Variants in AQR observed in about 807,000 individuals in gnomAD.
AQR encodes RNA helicase aquarius.
AQR carries 61 observed loss-of-function variants against 180.5 expected under a neutral mutation model. The ratio of observed to expected loss-of-function variants is 0.34; its 90% CI spans 0.28 to 0.42. AQR has a LOEUF of 0.42. Ranked by LOEUF, AQR falls within the 10% of genes least tolerant of loss-of-function variation. The pLI is 1.00. For missense variants in AQR, 1,281 were observed against 1,798.3 expected (o/e 0.71, Z 5.20); for synonymous variants, 551 against 588.8 (o/e 0.94, Z 0.93).
At chr15:34,874,578 C>T in intron 29 of AQR, 99 bp downstream of exon 29, 1 of 1,432,138 alleles carries the variant, frequency 7.0e-7, no homozygotes, top group Non-Finnish European at 9.5e-7. Flanking sequence ...CCTGGATAGC[C>T]AAGAATGCTA....
chr15:34,967,976 C>T (rs1343849374), intron 1 of AQR, among the ~76,000 whole-genome samples: 1 of 151,642 alleles, frequency 6.6e-6, no homozygotes, highest in Admixed American at 6.6e-5. Context: ...ACCAAGCCTG[C>T]CTACTTTTGT....
At chr15:34,909,842 C>T (rs567844073) in intron 17 of AQR, among the ~76,000 whole-genome samples, 1 of 152,250 alleles carries the variant, frequency 6.6e-6, no homozygotes, top group South Asian at 2.1e-4. Context: ...AAATTTAAGA[C>T]TTAAAATGCT....
chr15:34,874,874 A>C lies in AQR; in HGVS notation c.3238-10T>G. 6.2e-7 allele frequency: 1 copy of C among 1,610,958 alleles called. No individual in the cohort carries two copies. The highest frequency in any genetic ancestry group is 8.5e-7 in the Non-Finnish European group (1 of 1,178,772). On this transcript the variant is annotated splice_polypyrimidine_tract_variant and intron_variant, in intron 28 of 34. Coordinates refer to ENST00000156471, the MANE Select transcript of AQR (RefSeq NM_014691.3). ...ATCCATCCTGAGGATTCTAGAAATG[A>C]AAAGTAAGGAAATGGCAAAATACTC...
rs572724846 is a variant in AQR at position 34,860,229 on chromosome 15, T to A, written c.4030-74A>T. ...AAGGTAACACTTCAACATAAACCCATTTCTTAATCTTATGAATAAGCACAA... is the reference window on the plus strand; with the variant it reads ...AAGGTAACACTTCAACATAAACCCAATTCTTAATCTTATGAATAAGCACAA... On this transcript the variant is annotated intron_variant, in intron 33 of 34. Coordinates refer to ENST00000156471, the MANE Select transcript of AQR (RefSeq NM_014691.3). 3 of 636,278 alleles carry A rather than the reference T, an allele frequency of 4.7e-6. No homozygotes were observed. The African/African-American group carries it at 5.6e-5, about 12-fold the overall frequency. The allele number at this position is 636,278 out of a possible 1,614,324, so 39.4% of individuals were successfully genotyped here.
chr15:34,966,655 A>T (rs990659949), intron 1 of AQR, among the ~76,000 whole-genome samples: 1 of 152,202 alleles, frequency 6.6e-6, no homozygotes, highest in African/African-American at 2.4e-5. Context: ...GTATTGTACT[A>T]GGCACACACT....
chr15:34,951,469 G>A (rs1222688054), intron 4 of AQR, among the ~76,000 whole-genome samples: 2 of 151,988 alleles, frequency 1.3e-5, no homozygotes, highest in Non-Finnish European at 2.9e-5. Context: ...TCAAGAAATC[G>A]AGACCATCCT....
intron 33 of AQR, among the ~76,000 whole-genome samples, chr15:34,861,801 T>C (rs1389188338): frequency 6.6e-6 from 1 of 152,152 alleles, no homozygotes; most frequent in Admixed American, 6.5e-5. Context: ...TCTTCAAAAA[T>C]AAGTAAATAA....
In AQR at chr15:34,854,124, T is replaced by C. The variant is rs902194927; in HGVS notation, c.*2668A>G. 6.7e-6 allele frequency: 1 copy of C among 150,284 alleles called. No homozygotes were observed. Among genetic ancestry groups the C allele is most frequent in the South Asian group, 2.1e-4 (1 of 4,718 alleles). The allele number at this position is 150,284 out of a possible 1,614,324, so 9.3% of individuals were successfully genotyped here. A position where few individuals can be genotyped will look rare whatever the true frequency, so the allele number is the denominator to read the frequency against. On this transcript the variant is annotated 3_prime_UTR_variant, in exon 35 of 35. Coordinates refer to ENST00000156471, the MANE Select transcript of AQR (RefSeq NM_014691.3). ...CAATAGAGCTATTTATCCTCAACTG[T>C]TGGCAATGAACTTTCTTAACTCAGA...
At chr15:34,957,731 T>A (rs55924821) in intron 3 of AQR, among the ~76,000 whole-genome samples, 79,736 of 133,170 alleles carry the variant, frequency 0.6, 26,011 homozygotes, top group South Asian at 0.75. Flanking sequence ...ATAAAAATAA[T>A]AATAATAATA....
chr15:34,968,771 T>C (rs915317078), intron 1 of AQR, among the ~76,000 whole-genome samples: 2 of 152,144 alleles, frequency 1.3e-5, no homozygotes, highest in African/African-American at 2.4e-5. Context: ...ATATTTAGAA[T>C]GTAGAAATGT....
At chr15:34,922,239 C>T (rs574792371) in intron 13 of AQR, among the ~76,000 whole-genome samples, 2 of 152,258 alleles carry the variant, frequency 1.3e-5, no homozygotes, top group South Asian at 2.1e-4. Flanking sequence ...TTTCATGATA[C>T]GGCTGTATCA....
At chr15:34,964,759 T>TAA (rs34620759) in intron 1 of AQR, among the ~76,000 whole-genome samples, 211 of 146,114 alleles carry the variant, frequency 1.4e-3, no homozygotes, top group Middle Eastern at 3.6e-3. Context: ...TAACAAAACC[T>TAA]AAAAAAAAAA....
chr15:34,941,989 A>T, intron 7 of AQR, 23 bp downstream of exon 7: 1 of 1,583,814 alleles, frequency 6.3e-7, no homozygotes, highest in South Asian at 1.1e-5. Flanking sequence ...TACATTCATA[A>T]GACTCTGAAA....
chr15:34,886,458 C>T (rs1474793487), intron 25 of AQR, 68 bp downstream of exon 25: 15 of 1,503,202 alleles, frequency 1.0e-5, no homozygotes, highest in South Asian at 1.3e-5. Flanking sequence ...ATCACAAGAA[C>T]TCATTCCAGC....
intron 6 of AQR, among the ~76,000 whole-genome samples, chr15:34,944,018 T>C (rs1012458782): frequency 2.6e-5 from 4 of 152,240 alleles, no homozygotes; most frequent in Admixed American, 1.3e-4. Context: ...AGAGTTTCAG[T>C]TCTTATAATC....
At chr15:34,921,356 C>T (rs980998708) in intron 13 of AQR, among the ~76,000 whole-genome samples, 10 of 150,868 alleles carry the variant, frequency 6.6e-5, no homozygotes, top group Non-Finnish European at 1.3e-4. Context: ...ATCGCTTAAA[C>T]CCAGGAGGCA....
chr15:34,949,911 AGCCATGACTGT>A (rs1266476243), intron 4 of AQR, among the ~76,000 whole-genome samples: 1 of 148,834 alleles, frequency 6.7e-6, no homozygotes, highest in Non-Finnish European at 1.5e-5. Flanking sequence ...GGTTGCAGTG[AGCCATGACTGT>A]GCCACTGTAC....
At chr15:34,923,858 C>T (rs1893717086) in intron 13 of AQR, among the ~76,000 whole-genome samples, 1 of 152,186 alleles carries the variant, frequency 6.6e-6, no homozygotes, top group Admixed American at 6.5e-5. Context: ...TAGAAATCTT[C>T]CAACTTTGTT....
chr15:34,865,681 A>T (rs551142115), intron 32 of AQR, among the ~76,000 whole-genome samples: 1 of 152,344 alleles, frequency 6.6e-6, no homozygotes, highest in South Asian at 2.1e-4. Context: ...TGATGAATGG[A>T]TAAATAAAAT....
Sources: gnomAD v4.1 joint callset for allele counts (sites outside exome capture counted in the v4.1 genomes callset) on GRCh38, gnomAD v4.1.1 for gene constraint, MANE v1.5 for transcripts, NCBI Gene and HGNC (gene_info 2026-07-23, HGNC 2026-07-21) for gene names.